The following RAB11FIP4 variants were observed in gnomAD, a reference collection of about 807,000 sequenced individuals.
RAB11FIP4 encodes the protein RAB11 family interacting protein 4.
RAB11FIP4 carries 23 observed loss-of-function variants against 74.3 expected under a neutral mutation model. The observed-to-expected ratio is 0.31, with a 90% confidence interval of 0.22 to 0.44. The LOEUF (loss-of-function observed/expected upper bound fraction) is 0.44, where lower values mean the gene tolerates loss of function less well. Among genes scored for constraint, RAB11FIP4 ranks in the 20% least tolerant of loss-of-function variants. RAB11FIP4 has a pLI of 1.00. For synonymous variants in RAB11FIP4, 360 were observed against 359.9 expected, an observed-to-expected ratio of 1.00 and a Z score of 0.00; for missense variants, 630 against 863.9, an observed-to-expected ratio of 0.73 and a Z score of 3.39.
chr17:31,439,935 T>C (rs2071392758), intron 3 of RAB11FIP4, among the ~76,000 whole-genome samples: 3 of 152,108 alleles, frequency 2.0e-5, no homozygotes, highest in Admixed American at 2.0e-4. Flanking sequence ...CAGCAACAGG[T>C]TGAAATCTCT....
chr17:31,506,403 A>C (rs1363279766), intron 3 of RAB11FIP4, among the ~76,000 whole-genome samples: 1 of 152,226 alleles, frequency 6.6e-6, no homozygotes, highest in African/African-American at 2.4e-5. Flanking sequence ...GAGAACATTC[A>C]AAATGCTATC....
chr17:31,468,124 G>T (rs1441307256), intron 3 of RAB11FIP4, among the ~76,000 whole-genome samples: 1 of 152,184 alleles, frequency 6.6e-6, no homozygotes, highest in Non-Finnish European at 1.5e-5. Flanking sequence ...CGAGGGGTTG[G>T]GGGAGGAGAT....
chr17:31,536,439 A>C lies in RAB11FIP4; in HGVS notation c.*4707A>C, dbSNP rs1427662094. ...TTGGTTGCCCAGCAGATCCACAGCG[A>C]CTCTTTCTCAAGGGCTACTGTGGAT... On this transcript the variant is annotated 3_prime_UTR_variant, in exon 15 of 15. Coordinates refer to ENST00000621161, the MANE Select transcript of RAB11FIP4 (RefSeq NM_032932.6). 6.6e-6 allele frequency: 1 copy of C among 152,030 alleles called. No homozygotes were observed. The highest frequency in any genetic ancestry group is 1.5e-5 in the Non-Finnish European group (1 of 68,156). 9.4% of individuals were successfully genotyped at this position (152,030 alleles called of 1,614,324 possible). A position where few individuals can be genotyped will look rare whatever the true frequency, so the allele number is the denominator to read the frequency against.
chr17:31,427,238 G>A (rs538379294), intron 1 of RAB11FIP4, among the ~76,000 whole-genome samples: 3 of 152,350 alleles, frequency 2.0e-5, no homozygotes, highest in South Asian at 4.1e-4. Context: ...TGGGATTATA[G>A]GCATGAGCCA....
intron 1 of RAB11FIP4, among the ~76,000 whole-genome samples, chr17:31,413,901 C>T (rs1347687757): frequency 6.6e-6 from 1 of 152,216 alleles, no homozygotes; most frequent in Non-Finnish European, 1.5e-5. Flanking sequence ...TTAAATTCAG[C>T]CAGTTAAAAA....
chr17:31,393,897 C>T (rs1567640903), intron 1 of RAB11FIP4, among the ~76,000 whole-genome samples: 2 of 152,112 alleles, frequency 1.3e-5, no homozygotes, highest in African/African-American at 2.4e-5. Flanking sequence ...GACCGCCCCC[C>T]GCCGCCCCCA....
At chr17:31,490,029 G>T (rs1040118088) in intron 3 of RAB11FIP4, among the ~76,000 whole-genome samples, 3 of 152,082 alleles carry the variant, frequency 2.0e-5, no homozygotes, top group Non-Finnish European at 4.4e-5. Flanking sequence ...TTAGGCAAGT[G>T]GGGGAGGAAA....
intron 1 of RAB11FIP4, among the ~76,000 whole-genome samples, chr17:31,403,525 T>C (rs990621415): frequency 1.3e-5 from 2 of 152,112 alleles, no homozygotes; most frequent in African/African-American, 4.8e-5. Context: ...GGTTTCACCA[T>C]GTTGGCCAGG....
intron 3 of RAB11FIP4, among the ~76,000 whole-genome samples, chr17:31,486,595 T>C (rs1251815208): frequency 6.6e-6 from 1 of 152,220 alleles, no homozygotes; most frequent in Non-Finnish European, 1.5e-5. Context: ...GTGTTCTATA[T>C]GATACACCAC....
chr17:31,517,928 G>A lies in RAB11FIP4; in HGVS notation c.563+51G>A, dbSNP rs1372333408. ...ATATTTGCCCTCTCAGCCCAGAAAT[G>A]TGGTTCTTGGAAAGTGTCTCCAGGA... On this transcript the variant is annotated intron_variant, in intron 4 of 14. Transcript: ENST00000621161. 2.8e-6 allele frequency: 4 copies of A among 1,439,742 alleles called. No homozygotes were observed. The African/African-American group carries it at 4.3e-5, about 15-fold the overall frequency. The allele number at this position is 1,439,742 out of a possible 1,614,324, so 89.2% of individuals were successfully genotyped here.
intron 3 of RAB11FIP4, among the ~76,000 whole-genome samples, chr17:31,468,914 C>T (rs565128477): frequency 3.3e-5 from 5 of 152,180 alleles, no homozygotes; most frequent in East Asian, 3.9e-4. Context: ...CTCTGGAGCA[C>T]GTGAGGGTCC....
chr17:31,495,010 C>T (rs2072087288), intron 3 of RAB11FIP4, among the ~76,000 whole-genome samples: 1 of 152,238 alleles, frequency 6.6e-6, no homozygotes, highest in African/African-American at 2.4e-5. Context: ...GCCCTCCACA[C>T]CTCGGCCCAC....
chr17:31,436,459 G>A (rs1043862202), intron 3 of RAB11FIP4, among the ~76,000 whole-genome samples: 4 of 152,126 alleles, frequency 2.6e-5, no homozygotes, highest in African/African-American at 4.8e-5. Context: ...TTGGGGTAGG[G>A]GTGACGTGTT....
chr17:31,504,364 C>T (rs986396548), intron 3 of RAB11FIP4, among the ~76,000 whole-genome samples: 5 of 152,060 alleles, frequency 3.3e-5, no homozygotes, highest in African/African-American at 1.2e-4. Context: ...AACTCCTGAC[C>T]TCATGATCCG....
At chr17:31,495,177 T>C (rs2072090378) in intron 3 of RAB11FIP4, among the ~76,000 whole-genome samples, 1 of 152,046 alleles carries the variant, frequency 6.6e-6, no homozygotes, top group Non-Finnish European at 1.5e-5. Context: ...CCCAGGAGAT[T>C]TGGAGAAAAG....
intron 3 of RAB11FIP4, among the ~76,000 whole-genome samples, chr17:31,447,752 AC>A (rs1269701649): frequency 1.3e-5 from 2 of 152,084 alleles, no homozygotes; most frequent in Non-Finnish European, 2.9e-5. Flanking sequence ...CGAACTCCTG[AC>A]CTCAGGTGAT....
At chr17:31,486,287 C>T (rs1050280321) in intron 3 of RAB11FIP4, among the ~76,000 whole-genome samples, 2 of 152,028 alleles carry the variant, frequency 1.3e-5, no homozygotes, top group Non-Finnish European at 2.9e-5. Context: ...GTCAACCAGG[C>T]TGGAGTGCAG....
At chr17:31,496,652 A>G (rs2072121857) in intron 3 of RAB11FIP4, among the ~76,000 whole-genome samples, 1 of 152,170 alleles carries the variant, frequency 6.6e-6, no homozygotes, top group African/African-American at 2.4e-5. Context: ...AGCCTCTTTG[A>G]AGCTCCCTGG....
At position 31,391,779 on chromosome 17, in the gene RAB11FIP4, G is replaced by T; in HGVS notation, c.-74G>T. 1.0e-6 allele frequency: 1 copy of T among 963,714 alleles called. No homozygotes were observed. Among genetic ancestry groups the T allele is most frequent in the South Asian group, 4.6e-5 (1 of 21,722 alleles). The allele number at this position is 963,714 out of a possible 1,614,324, so 59.7% of individuals were successfully genotyped here. ...CCAGACGGGCGGCCCCGGAGGGCGCGCGGCGATGGCGGCGGCGGGCAGGCG... is the reference window on the plus strand; with the variant it reads ...CCAGACGGGCGGCCCCGGAGGGCGCTCGGCGATGGCGGCGGCGGGCAGGCG... On this transcript the variant is annotated 5_prime_UTR_variant, in exon 1 of 15. Transcript: ENST00000621161.
Sources: allele counts gnomAD v4.1 joint callset (sites outside exome capture counted in the v4.1 genomes callset), GRCh38; gene constraint gnomAD v4.1.1; transcripts MANE v1.5; gene names NCBI Gene and HGNC (gene_info 2026-07-23, HGNC 2026-07-21).